EP400: variants seen among roughly 807,000 people sequenced by gnomAD.
EP400 encodes E1A-binding protein p400.
EP400 carries 105 observed loss-of-function variants against 354.1 expected under a neutral mutation model. The observed-to-expected ratio is 0.30, with a 90% confidence interval of 0.25 to 0.35. The LOEUF (loss-of-function observed/expected upper bound fraction) is 0.35, where lower values mean the gene tolerates loss of function less well. EP400 is among the 10% of genes least tolerant of loss of function. The probability of loss-of-function intolerance (pLI) is 1.00; values close to 1 mark genes in which losing one functional copy is unlikely to be tolerated. For synonymous variants in EP400, 1,646 were observed against 1,716.9 expected (o/e 0.96, Z 1.02); for missense variants, 3,280 against 4,121.0 (o/e 0.80, Z 5.59).
chr12:131,971,170 C>G (rs971913302), intron 2 of EP400, among the ~76,000 whole-genome samples: 2 of 152,018 alleles, frequency 1.3e-5, no homozygotes, highest in Non-Finnish European at 2.9e-5. Context: ...TGCCACTACA[C>G]TCCAGGCTGG....
rs928719297 is a variant in EP400 at position 131,982,024 on chromosome 12, C to T, written c.1544-69C>T. On this transcript the variant is annotated intron_variant, in intron 4 of 52. Coordinates refer to ENST00000389561, the MANE Select transcript of EP400 (RefSeq NM_015409.5). The stretch of plus-strand genomic sequence containing the variant: ...AGCACTGGGGTGTTAGACGTGTCTC[C>T]TTGTGACTCATTGGTAGAAGCTGCC... The T allele has an allele frequency of 7.4e-6, 11 of 1,492,308 alleles. No homozygotes were observed. In the Admixed American group the frequency reaches 1.8e-4, roughly 25 times the overall value. The allele number at this position is 1,492,308 out of a possible 1,614,324, so 92.4% of individuals were successfully genotyped here.
chr12:132,025,501 A>G lies in EP400; in HGVS notation c.4856-145A>G. 1 of 965,920 alleles carries G rather than the reference A, an allele frequency of 1.0e-6. No homozygotes were observed. The highest frequency in any genetic ancestry group is 1.7e-5 in the African/African-American group (1 of 59,394). The allele number at this position is 965,920 out of a possible 1,614,324, so 59.8% of individuals were successfully genotyped here. ...GGTGATGGGTTGCCACTTTCCTCAC[A>G]GTAACTGAACTTTGCATTGATTTTT... On this transcript the variant is annotated intron_variant, in intron 24 of 52. Transcript: ENST00000389561. This position sits in a 1 kb window ranked among gnomAD's most constrained non-coding sequence, Gnocchi z 4.1.
At chr12:131,970,352 A>AT (rs1356088040) in intron 2 of EP400, among the ~76,000 whole-genome samples, 2 of 151,998 alleles carry the variant, frequency 1.3e-5, no homozygotes, top group South Asian at 4.1e-4. Flanking sequence ...TAGGATTCTC[A>AT]TCTGCTTTTG....
In EP400 at chr12:131,994,433, G is replaced by A. The variant is rs1893139767; in HGVS notation, c.2738-434G>A. Among the ~76,000 whole-genome samples the A allele has an allele frequency of 6.6e-6, 1 of 152,172 alleles. No individual in the cohort carries two copies. The highest frequency in any genetic ancestry group is 6.5e-5 in the Admixed American group (1 of 15,288). On this transcript the variant is annotated intron_variant, in intron 11 of 52. Coordinates refer to ENST00000389561, the MANE Select transcript of EP400 (RefSeq NM_015409.5). This position sits in a 1 kb window ranked among gnomAD's most constrained non-coding sequence, Gnocchi z 4.6. ...GCGTGAGGTTCAGGGCTGGAGGGCT[G>A]AAGAGAGCGGAGTGGGCTTGGGTTG...
At position 132,079,296 on chromosome 12, in the gene EP400, G is replaced by A. The variant is rs567191019; in HGVS notation, c.*1623G>A. The A allele has an allele frequency of 6.6e-5, 10 of 152,346 alleles. No homozygotes were observed. Among genetic ancestry groups the A allele is most frequent in the South Asian group, 6.2e-4 (3 of 4,830 alleles). 9.4% of individuals were successfully genotyped at this position (152,346 alleles called of 1,614,324 possible). The stretch of plus-strand genomic sequence containing the variant: ...AGAAACAGAAGAAATTAATCTTTTA[G>A]TTAGTTGAACATACCAAAGCAGAGG... On this transcript the variant is annotated 3_prime_UTR_variant, in exon 53 of 53. Transcript: ENST00000389561.
chr12:131,955,044 A>T (rs1173806029), intron 1 of EP400, among the ~76,000 whole-genome samples: 1 of 152,168 alleles, frequency 6.6e-6, no homozygotes, highest in Non-Finnish European at 1.5e-5. Context: ...AAAAATTAGG[A>T]GTAAAAATTG....
Position 132,004,497 on chromosome 12 carries a change from A to G in EP400, c.2828-580A>G, listed in dbSNP as rs139052711. On this transcript the variant is annotated intron_variant, in intron 12 of 52. Coordinates refer to ENST00000389561, the MANE Select transcript of EP400 (RefSeq NM_015409.5). ...TTTGCTTTTTGTTTCTTCATTTGAT[A>G]TTTTGTATTTTTATATATCATCTTC... 7.1e-3 allele frequency among the ~76,000 whole-genome samples: 1,083 copies of G among 152,038 alleles called. 34 individuals carry two copies. The South Asian group carries it at 0.094, about 13-fold the overall frequency.
At chr12:132,021,365 C>T in intron 23 of EP400, 44 bp downstream of exon 23, 2 of 1,468,158 alleles carry the variant, frequency 1.4e-6, no homozygotes, top group Non-Finnish European at 1.8e-6. Context: ...CTCTCTACCC[C>T]AGAGGAGTTG....
At position 132,044,812 on chromosome 12, in the gene EP400, C is replaced by T; in HGVS notation, c.6643C>T (p.Pro2215Ser). 6.2e-7 allele frequency: 1 copy of T among 1,614,102 alleles called. No homozygotes were observed. The highest frequency in any genetic ancestry group is 1.1e-5 in the South Asian group (1 of 91,076). ...QTEVMPLWTP[P>S]TPPQDDSDIY... The stretch of plus-strand genomic sequence containing the variant: ...CTTCTCCATGCAGCTCTGGACCCCA[C>T]CCACCCCGCCGCAGGACGACAGCGA... The change falls in exon 37 of 53, where the codon CCC becomes TCC. Residue 2215 changes from proline to serine, a missense_variant. By Grantham distance (74) the Pro-to-Ser change is moderately conservative (BLOSUM62 -1). This residue lies in a region of EP400 where 231 missense variants were observed against 257.9 expected (regional missense o/e 0.90). Coordinates refer to ENST00000389561, the MANE Select transcript of EP400 (RefSeq NM_015409.5).
At chr12:132,031,880 A>C in intron 29 of EP400, 73 bp from the exon 30 acceptor site, 1 of 1,462,338 alleles carries the variant, frequency 6.8e-7, no homozygotes. Flanking sequence ...TCTAATTAAT[A>C]AATGTTGAAA....
In EP400 at chr12:132,044,171, C is replaced by T. The variant is rs368822954; in HGVS notation, c.6451-6C>T. 3.3e-5 allele frequency: 54 copies of T among 1,613,646 alleles called. No individual in the cohort carries two copies. In the African/African-American group the frequency reaches 4.7e-4, roughly 14 times the overall value. On this transcript the variant is annotated splice_polypyrimidine_tract_variant and splice_region_variant and intron_variant, in intron 34 of 52. Transcript: ENST00000389561. ...TCCTGAAAGTTCTTGCTGCTCTCCC[C>T]GTCAGGACGCAGTGATGACTGCAGT...
At position 132,006,840 on chromosome 12, in the gene EP400, G is replaced by A. The variant is rs1438458656; in HGVS notation, c.3267G>A (p.Gln1089=). Residue 1089 remains glutamine (Q), a synonymous_variant, in exon 15 of 53, where the codon CAG becomes CAA. Coordinates refer to ENST00000389561, the MANE Select transcript of EP400 (RefSeq NM_015409.5). The part of the protein sequence containing the change: ...ADEAGLGKTV[Q]IIAFFAHLAC... ...AAGCTGGGCTGGGTAAAACAGTGCA[G>A]ATCATTGCTTTTTTTGCCCACCTAG... is the stretch of plus-strand genomic sequence containing the variant. 6.2e-7 allele frequency: 1 copy of A among 1,613,724 alleles called. No individual in the cohort carries two copies. The highest frequency in any genetic ancestry group is 8.5e-7 in the Non-Finnish European group (1 of 1,179,938).
rs117574201 is a variant in EP400, at chr12:132,007,778, T to C, written c.3304+901T>C. On this transcript the variant is annotated intron_variant, in intron 15 of 52. Transcript: ENST00000389561. ...TACATTTGAGCTTTGAACGTAAAGC[T>C]GGACACGTTTAAATTAGGAGGGTCA... Among the ~76,000 whole-genome samples, 1,037 of 152,322 alleles carry C rather than the reference T, an allele frequency of 6.8e-3. 12 individuals carry two copies. The highest frequency in any genetic ancestry group is 0.027 in the Middle Eastern group (8 of 294).
At chr12:132,022,856 C>T (rs991629882) in intron 23 of EP400, among the ~76,000 whole-genome samples, 2 of 152,078 alleles carry the variant, frequency 1.3e-5, no homozygotes, top group Non-Finnish European at 2.9e-5. Context: ...GGGAGGATCG[C>T]TTGAACCCAG....
At chr12:131,996,452 C>T (rs749165220) in intron 12 of EP400, among the ~76,000 whole-genome samples, 20 of 152,044 alleles carry the variant, frequency 1.3e-4, no homozygotes, top group Non-Finnish European at 2.8e-4. Flanking sequence ...CCACCACGCC[C>T]GGCTAATTTT....
chr12:132,027,675 T>A lies in EP400; in HGVS notation c.5109+144T>A. Reference sequence around the variant, plus strand: ...TTCTTATTTTAAAACACACATTTTCTAATAAAATAAATGAAACTGGACTTA... The same window carrying A: ...TTCTTATTTTAAAACACACATTTTCAAATAAAATAAATGAAACTGGACTTA... On this transcript the variant is annotated intron_variant, in intron 26 of 52. Coordinates refer to ENST00000389561, the MANE Select transcript of EP400 (RefSeq NM_015409.5). This position sits in a 1 kb window ranked among gnomAD's most constrained non-coding sequence, Gnocchi z 4.9. The A allele has an allele frequency of 1.4e-6, 1 of 733,560 alleles. No homozygotes were observed. Among genetic ancestry groups the A allele is most frequent in the Non-Finnish European group, 2.2e-6 (1 of 458,868 alleles). 45.4% of individuals were successfully genotyped at this position (733,560 alleles called of 1,614,324 possible). A position where few individuals can be genotyped will look rare whatever the true frequency, so the allele number is the denominator to read the frequency against.
At position 132,066,838 on chromosome 12, in the gene EP400, C is replaced by G. The variant is rs777614847; in HGVS notation, c.8618C>G (p.Ala2873Gly). 3.7e-6 allele frequency: 6 copies of G among 1,614,048 alleles called. No individual in the cohort carries two copies. Among genetic ancestry groups the G allele is most frequent in the Non-Finnish European group, 5.1e-6 (6 of 1,179,980 alleles). ...GQMQTQAPQP[A>G]QVALAKPPVV... ...ATGCAGACCCAGGCACCCCAGCCAGCCCAGGTGGCCTTGGCGAAGCCTCCG... is the reference window on the plus strand; with the variant it reads ...ATGCAGACCCAGGCACCCCAGCCAGGCCAGGTGGCCTTGGCGAAGCCTCCG... Residue 2873 changes from alanine to glycine, a missense_variant, in exon 49 of 53, where the codon GCC (alanine) becomes GGC (glycine). Ala to Gly is a moderately conservative substitution (Grantham distance 60). Coordinates refer to ENST00000389561, the MANE Select transcript of EP400 (RefSeq NM_015409.5).
intron 35 of EP400, 133 bp downstream of exon 35, chr12:132,044,444 C>T (rs760120587): frequency 8.6e-5 from 114 of 1,329,664 alleles, no homozygotes; most frequent in Non-Finnish European, 1.1e-4. Context: ...CTCATATCAA[C>T]ACAACCTCAC....
intron 5 of EP400, among the ~76,000 whole-genome samples, chr12:131,984,953 G>T (rs1892805282): frequency 6.6e-6 from 1 of 151,942 alleles, no homozygotes; most frequent in Non-Finnish European, 1.5e-5. Context: ...AACAACAGTA[G>T]AGGAAATCAT....
Sources: allele counts gnomAD v4.1 joint callset (sites outside exome capture counted in the v4.1 genomes callset), GRCh38; gene constraint gnomAD v4.1.1; regional missense constraint gnomAD v4.1.1; non-coding constraint Gnocchi (gnomAD v3.1); transcripts MANE v1.5; gene names NCBI Gene and HGNC (gene_info 2026-07-23, HGNC 2026-07-21).